Variants in TTC28 observed in about 807,000 individuals in gnomAD.
TTC28 encodes the protein tetratricopeptide repeat domain 28, also known as tetratricopeptide repeat protein 28.
Under a neutral mutation model 198.0 loss-of-function variants are expected in TTC28, and 61 were observed. The ratio of observed to expected loss-of-function variants is 0.31; its 90% CI spans 0.25 to 0.38. TTC28 has a LOEUF of 0.38. TTC28 is among the 10% of genes least tolerant of loss of function. The probability of loss-of-function intolerance (pLI) is 1.00; values close to 1 mark genes in which losing one functional copy is unlikely to be tolerated. For missense variants in TTC28, 2,678 were observed against 3,164.0 expected, an observed-to-expected ratio of 0.85 and a Z score of 3.69; for synonymous variants, 1,171 against 1,297.8, an observed-to-expected ratio of 0.90 and a Z score of 2.10.
chr22:28,498,441 C>A (rs1446394686), intron 2 of TTC28, among the ~76,000 whole-genome samples: 1 of 152,106 alleles, frequency 6.6e-6, no homozygotes, highest in African/African-American at 2.4e-5. Flanking sequence ...TTTTGGAGTA[C>A]TCCCTAAACA....
intron 2 of TTC28, among the ~76,000 whole-genome samples, chr22:28,605,896 T>A (rs535438377): frequency 1.4e-4 from 22 of 152,276 alleles, no homozygotes; most frequent in Non-Finnish European, 2.2e-4. Flanking sequence ...TTAAACTGCA[T>A]GGTGTCCACA....
intron 5 of TTC28, among the ~76,000 whole-genome samples, chr22:28,234,925 A>G (rs780266328): frequency 2.7e-4 from 41 of 152,362 alleles, no homozygotes; most frequent in Non-Finnish European, 5.4e-4. Flanking sequence ...ATAGACAACC[A>G]GCTAATGATT....
At position 27,982,786 on chromosome 22, in the gene TTC28, G is replaced by A. The variant is rs1288678040; in HGVS notation, c.6881C>T (p.Pro2294Leu). 1.2e-5 allele frequency: 19 copies of A among 1,546,602 alleles called. No individual in the cohort carries two copies. Among genetic ancestry groups the A allele is most frequent in the South Asian group, 2.4e-5 (2 of 83,656 alleles). Residue 2294 changes from proline to leucine, a missense_variant, in exon 23 of 23, where the codon CCT becomes CTT. This residue lies in a region of TTC28 where 622 missense variants were observed against 656.0 expected (regional missense o/e 0.95). Transcript: ENST00000397906. This position sits in a 1 kb window ranked among gnomAD's most constrained non-coding sequence, Gnocchi z 5.2. Reference sequence around the variant, plus strand: ...TGATTTGGAAATGTGAGCGCTGTAAGGAGAGCTGGGGTACTTCAGTTTAAA... The same window carrying A: ...TGATTTGGAAATGTGAGCGCTGTAAAGAGAGCTGGGGTACTTCAGTTTAAA... ...PLFKLKYPSSPYSAHISKSPR... is the reference protein window; with the variant it reads ...PLFKLKYPSSLYSAHISKSPR...
intron 2 of TTC28, among the ~76,000 whole-genome samples, chr22:28,550,476 C>T (rs979764682): frequency 9.9e-5 from 15 of 152,080 alleles, no homozygotes; most frequent in Non-Finnish European, 2.1e-4. Context: ...ACTGTAACTG[C>T]GATATACTAT....
At position 28,515,126 on chromosome 22, in the gene TTC28, A is replaced by T. The variant is rs991216146; in HGVS notation, c.381+114426T>A. 1.3e-4 allele frequency among the ~76,000 whole-genome samples: 20 copies of T among 152,230 alleles called. No individual in the cohort carries two copies. The East Asian group carries it at 3.8e-3, about 29-fold the overall frequency. On this transcript the variant is annotated intron_variant, in intron 2 of 22. Coordinates refer to ENST00000397906, the MANE Select transcript of TTC28 (RefSeq NM_001145418.2). ...AAAATTACTATGCAAGTTGTAAATA[A>T]TAATTCATGTAACTAATATTTTAAA...
intron 12 of TTC28, among the ~76,000 whole-genome samples, chr22:28,032,885 C>G (rs1939189919): frequency 6.6e-6 from 1 of 152,244 alleles, no homozygotes; most frequent in East Asian, 1.9e-4. Flanking sequence ...TCCCATCATG[C>G]TGGAGAGCTT....
intron 2 of TTC28, among the ~76,000 whole-genome samples, chr22:28,505,038 C>T (rs1039725477): frequency 3.9e-5 from 6 of 151,936 alleles, no homozygotes; most frequent in Admixed American, 3.9e-4. Context: ...GGGCGGATCA[C>T]AAGGTCAGGA....
chr22:28,629,497 GA>G, intron 2 of TTC28, 54 bp downstream of exon 2: 2 of 1,451,162 alleles, frequency 1.4e-6, no homozygotes, highest in Non-Finnish European at 1.8e-6. Context: ...ATTAAAGTAA[GA>G]AGCCAGGACA....
At chr22:27,996,290 G>T (rs1937550370) in intron 16 of TTC28, 31 bp from the exon 17 acceptor site, 3 of 1,544,372 alleles carry the variant, frequency 1.9e-6, no homozygotes, top group Non-Finnish European at 2.6e-6. Context: ...CACCTCAGCA[G>T]GGCAGCTGGA....
chr22:28,363,530 G>A lies in TTC28; in HGVS notation c.382-56887C>T, dbSNP rs553961067. Among the ~76,000 whole-genome samples, 199 of 152,230 alleles carry A rather than the reference G, an allele frequency of 1.3e-3. 1 individual carries two copies. The highest frequency in any genetic ancestry group is 4.4e-3 in the African/African-American group (184 of 41,538). The stretch of plus-strand genomic sequence containing the variant: ...CACACAGAGTCCCTACTGGGGCACC[G>A]CCTAGTGGAGCTGTGAAAAGAGGGC... On this transcript the variant is annotated intron_variant, in intron 2 of 22. Transcript: ENST00000397906.
intron 6 of TTC28, among the ~76,000 whole-genome samples, chr22:28,160,437 T>G (rs115857440): frequency 1.9e-3 from 296 of 152,116 alleles, no homozygotes; most frequent in African/African-American, 6.6e-3. Context: ...GAACAAAATA[T>G]GACAATTCCC....
At chr22:28,211,612 G>A (rs994090815) in intron 5 of TTC28, among the ~76,000 whole-genome samples, 5 of 152,036 alleles carry the variant, frequency 3.3e-5, no homozygotes, top group Non-Finnish European at 7.4e-5. Context: ...CCCAATACAG[G>A]AGCACCCAGA....
At chr22:28,330,615 T>C (rs2045599912) in intron 2 of TTC28, among the ~76,000 whole-genome samples, 1 of 152,230 alleles carries the variant, frequency 6.6e-6, no homozygotes, top group Admixed American at 6.5e-5. Context: ...AAGTTTTAAA[T>C]GGCAGTATCA....
chr22:28,363,168 T>C (rs1379566278), intron 2 of TTC28, among the ~76,000 whole-genome samples: 1 of 152,034 alleles, frequency 6.6e-6, no homozygotes, highest in Non-Finnish European at 1.5e-5. Flanking sequence ...GAAGAAATGG[T>C]TTCATGGGCC....
chr22:28,660,593 G>A (rs969040877), intron 1 of TTC28, among the ~76,000 whole-genome samples: 3 of 151,346 alleles, frequency 2.0e-5, no homozygotes, highest in African/African-American at 4.9e-5. Flanking sequence ...GGCGCTATTC[G>A]GCTCACTGCA....
At chr22:28,411,291 T>C (rs1207203915) in intron 2 of TTC28, among the ~76,000 whole-genome samples, 2 of 152,174 alleles carry the variant, frequency 1.3e-5, no homozygotes, top group African/African-American at 2.4e-5. Context: ...ATCCTAGCTA[T>C]CTGATGCCAA....
chr22:28,542,785 G>T (rs988163115), intron 2 of TTC28, among the ~76,000 whole-genome samples: 4 of 152,080 alleles, frequency 2.6e-5, no homozygotes, highest in African/African-American at 9.7e-5. Context: ...AGTTAAAGCA[G>T]TTCTTGGAGG....
chr22:28,380,800 T>G (rs1376630842), intron 2 of TTC28, among the ~76,000 whole-genome samples: 1 of 152,172 alleles, frequency 6.6e-6, no homozygotes, highest in Non-Finnish European at 1.5e-5. Flanking sequence ...ATTTAATCCC[T>G]ACAACAAACC....
chr22:28,058,617 G>T (rs1271716213), intron 12 of TTC28, among the ~76,000 whole-genome samples: 3 of 151,820 alleles, frequency 2.0e-5, no homozygotes, highest in Admixed American at 2.0e-4. Flanking sequence ...TTGGTATTAG[G>T]GTTATAATAC....
Sources: allele counts gnomAD v4.1 joint callset (sites outside exome capture counted in the v4.1 genomes callset), GRCh38; gene constraint gnomAD v4.1.1; regional missense constraint gnomAD v4.1.1; non-coding constraint Gnocchi (gnomAD v3.1); transcripts MANE v1.5; gene names NCBI Gene and HGNC (gene_info 2026-07-23, HGNC 2026-07-21).